The following UNC80 variants were observed in gnomAD, a reference collection of about 807,000 sequenced individuals.
UNC80 encodes protein unc-80 homolog.
Under a neutral mutation model 384.6 loss-of-function variants are expected in UNC80, and 164 were observed. The observed-to-expected ratio is 0.43, with a 90% CI of 0.38 to 0.49. UNC80 has a LOEUF of 0.49. Among genes scored for constraint, UNC80 ranks in the 20% least tolerant of loss-of-function variants. The pLI, the probability that UNC80 is intolerant of heterozygous loss-of-function variation, is 0.00. For synonymous variants in UNC80, 1,486 were observed against 1,527.8 expected, an observed-to-expected ratio of 0.97 and a Z score of 0.64; for missense variants, 3,330 against 4,143.0, an observed-to-expected ratio of 0.80 and a Z score of 5.39.
chr2:209,874,470 A>G (rs370428795), intron 23 of UNC80, among the ~76,000 whole-genome samples: 9 of 152,342 alleles, frequency 5.9e-5, no homozygotes, highest in African/African-American at 1.9e-4. Flanking sequence ...GAGATTTCAC[A>G]AACAAGTGTT....
rs775914722 is a variant in UNC80 at position 209,904,841 on chromosome 2, A to T, written c.4658A>T (p.His1553Leu). 5.8e-6 allele frequency: 9 copies of T among 1,551,620 alleles called. No individual in the cohort carries two copies. The South Asian group carries it at 1.1e-4, about 18-fold the overall frequency. ...TACTGCCATCCCCACTGCTACCTGC[A>T]CCACAGCCGCTCCTGTGCCCGACTG... ...VDYCHPHCYL[H>L]HSRSCARLVR... The change falls in exon 29 of 65, where the codon CAC (histidine) becomes CTC (leucine). Residue 1553 changes from histidine to leucine, a missense_variant. Physicochemically the swap from His to Leu is moderately conservative, Grantham distance 99. Transcript: ENST00000673920.
At chr2:209,899,632 C>G (rs1302203379) in intron 28 of UNC80, among the ~76,000 whole-genome samples, 2 of 152,080 alleles carry the variant, frequency 1.3e-5, no homozygotes, top group Admixed American at 6.5e-5. Flanking sequence ...CTATTTCTAG[C>G]CTGTCCTTCC....
intron 13 of UNC80, among the ~76,000 whole-genome samples, chr2:209,821,744 GC>G (rs1471656461): frequency 6.6e-6 from 1 of 152,082 alleles, no homozygotes; most frequent in Non-Finnish European, 1.5e-5. Context: ...AATTACTACA[GC>G]TTAAATTCAC....
At chr2:209,798,844 AT>A (rs1167727452) in intron 7 of UNC80, among the ~76,000 whole-genome samples, 224 of 126,598 alleles carry the variant, frequency 1.8e-3, no homozygotes, top group Middle Eastern at 8.0e-3. Context: ...AGCCTGGCTA[AT>A]TTTTTTTTTT....
intron 28 of UNC80, among the ~76,000 whole-genome samples, chr2:209,902,758 C>T (rs1361325873): frequency 6.6e-6 from 1 of 152,068 alleles, no homozygotes; most frequent in South Asian, 2.1e-4. Context: ...TTATTGCACA[C>T]CTAATAGACT....
chr2:209,810,324 A>G (rs180999048), intron 7 of UNC80, among the ~76,000 whole-genome samples: 2 of 152,360 alleles, frequency 1.3e-5, no homozygotes, highest in African/African-American at 4.8e-5. Context: ...CATTTTTAAA[A>G]GTACATTGGT....
At chr2:209,954,940 T>G (rs1015537997) in intron 48 of UNC80, among the ~76,000 whole-genome samples, 1 of 152,072 alleles carries the variant, frequency 6.6e-6, no homozygotes. Flanking sequence ...GCAGAGTCAC[T>G]AAGCTGCCAT....
At chr2:209,935,226 T>TTTCTC (rs1355755555) in intron 39 of UNC80, among the ~76,000 whole-genome samples, 3 of 152,226 alleles carry the variant, frequency 2.0e-5, no homozygotes, top group Non-Finnish European at 4.4e-5. Context: ...AGTTATTCCA[T>TTTCTC]TTCTCTTTTT....
At chr2:209,888,571 T>C (rs1035338939) in intron 26 of UNC80, among the ~76,000 whole-genome samples, 5 of 152,084 alleles carry the variant, frequency 3.3e-5, no homozygotes, top group Admixed American at 3.3e-4. Flanking sequence ...CTCTTATCAC[T>C]TAGCTTGTCT....
intron 1 of UNC80, 112 bp from the exon 2 acceptor site, chr2:209,772,982 G>T: frequency 1.2e-6 from 1 of 863,454 alleles, no homozygotes; most frequent in South Asian, 1.7e-5. Flanking sequence ...AAGGAAGCAT[G>T]AAATTTGAAT....
intron 35 of UNC80, among the ~76,000 whole-genome samples, chr2:209,926,181 C>G (rs1559341032): frequency 6.6e-6 from 1 of 152,178 alleles, no homozygotes; most frequent in Non-Finnish European, 1.5e-5. Flanking sequence ...CTTACTATCT[C>G]TCACACACTC....
intron 30 of UNC80, among the ~76,000 whole-genome samples, chr2:209,913,297 A>G (rs1157225987): frequency 2.6e-5 from 4 of 152,228 alleles, no homozygotes; most frequent in Non-Finnish European, 2.9e-5. Context: ...AAATTGTCAG[A>G]AATAATGGAT....
chr2:209,939,548 A>G lies in UNC80; in HGVS notation c.6542A>G (p.His2181Arg). ...CTAACCCAGAAGATCCCCACAGCCC[A>G]CAAACAGTCCCACGTCTCCATGCTT... ...ISLTQKIPTA[H>R]KQSHVSMLQE... Residue 2181 changes from histidine (H) to arginine (R), a missense_variant, in exon 43 of 65, where the codon CAC (histidine) becomes CGC (arginine). This residue lies in a region of UNC80 where 1,049 missense variants were observed against 1,488.6 expected (regional missense o/e 0.70). Coordinates refer to ENST00000673920, the MANE Select transcript of UNC80 (RefSeq NM_001371986.1). The G allele has an allele frequency of 6.4e-7, 1 of 1,551,728 alleles. No homozygotes were observed. The highest frequency in any genetic ancestry group is 8.7e-7 in the Non-Finnish European group (1 of 1,146,956).
chr2:209,970,083 T>A lies in UNC80; in HGVS notation c.8130+192T>A, dbSNP rs2092838889. The A allele has an allele frequency of 9.1e-6, 6 of 660,238 alleles. No homozygotes were observed. The East Asian group carries it at 1.5e-4, about 16-fold the overall frequency. The allele number at this position is 660,238 out of a possible 1,614,324, so 40.9% of individuals were successfully genotyped here. ...GTGGGGAGATCCAGGAACCCATCCC[T>A]ACACAGAAGGGATTTTGGTGTGCTG... On this transcript the variant is annotated intron_variant, in intron 53 of 64. Coordinates refer to ENST00000673920, the MANE Select transcript of UNC80 (RefSeq NM_001371986.1).
chr2:209,838,687 C>G (rs2081518944), intron 18 of UNC80, among the ~76,000 whole-genome samples: 1 of 152,130 alleles, frequency 6.6e-6, no homozygotes, highest in African/African-American at 2.4e-5. Flanking sequence ...ATTGGCTGGG[C>G]ACGGTGGCTC....
chr2:209,981,420 A>C (rs970495505), intron 59 of UNC80, among the ~76,000 whole-genome samples: 2 of 152,222 alleles, frequency 1.3e-5, no homozygotes, highest in Non-Finnish European at 2.9e-5. Context: ...TCTACTAAAA[A>C]TACAAAAACT....
intron 51 of UNC80, among the ~76,000 whole-genome samples, chr2:209,966,338 A>T (rs1231980239): frequency 6.6e-6 from 1 of 152,216 alleles, no homozygotes; most frequent in Non-Finnish European, 1.5e-5. Context: ...TCAAGCTCGA[A>T]TCATACAGAA....
chr2:209,850,563 G>T (rs559909247), intron 22 of UNC80, among the ~76,000 whole-genome samples: 5 of 152,132 alleles, frequency 3.3e-5, no homozygotes, highest in African/African-American at 9.6e-5. Flanking sequence ...TGCAGCTTTT[G>T]CTCTAAGGAT....
intron 30 of UNC80, among the ~76,000 whole-genome samples, 177 bp downstream of exon 30, chr2:209,912,844 T>C (rs1445080513): frequency 3.9e-5 from 6 of 152,312 alleles, no homozygotes; most frequent in South Asian, 2.1e-4. Flanking sequence ...AAATCTCTTC[T>C]TGCTATATAG....
Sources: gnomAD v4.1 joint callset for allele counts (sites outside exome capture counted in the v4.1 genomes callset) on GRCh38, gnomAD v4.1.1 for gene constraint, gnomAD v4.1.1 regional missense constraint, MANE v1.5 for transcripts, NCBI Gene and HGNC (gene_info 2026-07-23, HGNC 2026-07-21) for gene names.